Variants in ENOX2 observed in about 807,000 individuals in gnomAD.
ENOX2 encodes ecto-NOX disulfide-thiol exchanger 2.
A neutral mutation model predicts 45.0 loss-of-function variants in ENOX2; 36 were observed. That is an observed-to-expected ratio of 0.80 (90% CI 0.61 to 1.06). The LOEUF is 1.06. Ranked by LOEUF, ENOX2 falls within the 50% of genes least tolerant of loss-of-function variation. The probability of loss-of-function intolerance (pLI) is 0.00; values close to 1 mark genes in which losing one functional copy is unlikely to be tolerated. For synonymous variants in ENOX2, 174 were observed against 152.3 expected (o/e 1.14, Z -1.05); for missense variants, 423 against 462.5 (o/e 0.91, Z 0.78).
chrX:130,871,299 G>A (rs763465048), intron 2 of ENOX2, among the ~76,000 whole-genome samples: 1 of 111,491 alleles, frequency 9.0e-6, no homozygotes, highest in Admixed American at 9.5e-5. Flanking sequence ...ATATGCCATG[G>A]AGAATACTAA....
At chrX:130,737,196 G>A (rs184585817) in intron 3 of ENOX2, among the ~76,000 whole-genome samples, 3 of 111,412 alleles carry the variant, frequency 2.7e-5, no homozygotes, top group Non-Finnish European at 5.6e-5. Context: ...CGTAGCTGAG[G>A]CAAAATATAA....
intron 9 of ENOX2, among the ~76,000 whole-genome samples, chrX:130,660,662 G>A (rs2036664590): frequency 8.9e-6 from 1 of 112,330 alleles, no homozygotes; most frequent in Non-Finnish European, 1.9e-5. Context: ...AATGGTGATG[G>A]CATGTGGAAA....
chrX:130,679,607 T>C lies in ENOX2; in HGVS notation c.395A>G (p.Lys132Arg), dbSNP rs2037246846. The change falls in exon 6 of 15, where the codon AAG becomes AGG. Residue 132 changes from lysine to arginine, a missense_variant. Transcript: ENST00000394363. ...AAAGCGAATGTGGCAGAAGTTCTTC[T>C]TGCTCTTGCGAATGGCAATGATCTC... ...CGEIIAIRKS[K>R]KNFCHIRFAE... The C allele has an allele frequency of 8.3e-7, 1 of 1,209,459 alleles. No individual in the cohort carries two copies. Among genetic ancestry groups the C allele is most frequent in the East Asian group, 3.0e-5 (1 of 33,765 alleles).
chrX:130,864,462 A>G (rs1461359219), intron 2 of ENOX2, among the ~76,000 whole-genome samples: 2 of 111,718 alleles, frequency 1.8e-5, no homozygotes, highest in Non-Finnish European at 3.8e-5. Flanking sequence ...CAGCTAAACC[A>G]TTTCCAGATT....
intron 2 of ENOX2, among the ~76,000 whole-genome samples, chrX:130,794,005 G>T (rs905916218): frequency 2.7e-5 from 3 of 112,059 alleles, no homozygotes; most frequent in African/African-American, 9.7e-5. Context: ...TTATTTTGTT[G>T]TAGTTTAGCC....
chrX:130,897,925 G>A (rs1055242475), intron 2 of ENOX2, among the ~76,000 whole-genome samples: 2 of 112,290 alleles, frequency 1.8e-5, no homozygotes, highest in African/African-American at 6.5e-5. Context: ...AGTAATCCAG[G>A]CTAGAAGTGA....
At chrX:130,708,564 C>T (rs999564261) in intron 3 of ENOX2, among the ~76,000 whole-genome samples, 8 of 112,184 alleles carry the variant, frequency 7.1e-5, no homozygotes, top group African/African-American at 2.6e-4. Flanking sequence ...GCTATCATAG[C>T]CCTTACTACA....
At chrX:130,627,133 G>C (rs1025392276) in intron 14 of ENOX2, among the ~76,000 whole-genome samples, 2 of 111,729 alleles carry the variant, frequency 1.8e-5, no homozygotes, top group African/African-American at 6.5e-5. Context: ...CTGTGTTACA[G>C]AGGCTCTCAG....
chrX:130,822,041 C>A (rs1556495202), intron 2 of ENOX2, among the ~76,000 whole-genome samples: 1 of 90,644 alleles, frequency 1.1e-5, no homozygotes, highest in African/African-American at 4.3e-5. Flanking sequence ...GCACTCCAGC[C>A]TGGGTGACAG....
At chrX:130,632,045 C>T (rs1227694428) in intron 12 of ENOX2, among the ~76,000 whole-genome samples, 1 of 110,846 alleles carries the variant, frequency 9.0e-6, no homozygotes, top group Non-Finnish European at 1.9e-5. Flanking sequence ...AGTTTAAGGT[C>T]CACACTCTGT....
intron 3 of ENOX2, among the ~76,000 whole-genome samples, chrX:130,770,473 CAG>C (rs2039713400): frequency 9.0e-6 from 1 of 110,836 alleles, no homozygotes. Flanking sequence ...ACAGCACAAA[CAG>C]TGTTAAAATA....
intron 3 of ENOX2, among the ~76,000 whole-genome samples, chrX:130,707,661 C>G (rs1036664692): frequency 8.9e-6 from 1 of 111,857 alleles, no homozygotes; most frequent in African/African-American, 3.3e-5. Context: ...TCCTACAATT[C>G]TCTTTCTTAT....
At chrX:130,743,099 T>C (rs931491678) in intron 3 of ENOX2, among the ~76,000 whole-genome samples, 2 of 111,708 alleles carry the variant, frequency 1.8e-5, no homozygotes, top group African/African-American at 6.5e-5. Context: ...TTTATTTTTA[T>C]GAGGGAAAGT....
chrX:130,880,970 G>A, intron 2 of ENOX2, among the ~76,000 whole-genome samples: 1 of 112,440 alleles, frequency 8.9e-6, no homozygotes, highest in East Asian at 2.8e-4. Flanking sequence ...CAACATTCCA[G>A]TTTGATTTCC....
chrX:130,771,556 G>C (rs1161696946), intron 3 of ENOX2, among the ~76,000 whole-genome samples: 1 of 111,564 alleles, frequency 9.0e-6, no homozygotes, highest in African/African-American at 3.3e-5. Context: ...TAAGTTTTTT[G>C]GATCTATCTC....
chrX:130,808,566 A>C (rs2077343357), intron 2 of ENOX2, among the ~76,000 whole-genome samples: 1 of 112,217 alleles, frequency 8.9e-6, no homozygotes, highest in African/African-American at 3.2e-5. Context: ...GTGTACAAAA[A>C]TACCACCAAT....
chrX:130,683,324 C>T (rs1161103508), intron 5 of ENOX2, among the ~76,000 whole-genome samples: 3 of 111,848 alleles, frequency 2.7e-5, no homozygotes, highest in African/African-American at 9.8e-5. Context: ...TTAGACAGCT[C>T]AAGATTGAAG....
At position 130,667,622 on chromosome X, in the gene ENOX2, C is replaced by T. The variant is rs370254402; in HGVS notation, c.815G>A (p.Arg272His). ...SMIQSANSHV[R>H]RLVNEKAAHE... is the part of the protein sequence containing the mutation. ...GGCAGCTTTCTCGTTCACCAGGCGG[C>T]GGACATGGCTGTTGGCCGACTGGAT... The change falls in exon 8 of 15, where the codon CGC (arginine) becomes CAC (histidine). Residue 272 changes from arginine to histidine, a missense_variant. Transcript: ENST00000394363. 7.4e-6 allele frequency: 9 copies of T among 1,209,511 alleles called. No homozygotes were observed. Among genetic ancestry groups the T allele is most frequent in the Admixed American group, 2.2e-5 (1 of 45,774 alleles).
chrX:130,632,743 ATGT>A (rs1412082239), intron 12 of ENOX2, among the ~76,000 whole-genome samples: 2 of 111,960 alleles, frequency 1.8e-5, no homozygotes, highest in East Asian at 5.6e-4. Context: ...GCTGCAAGAC[ATGT>A]TGTTGTGTGA....
Sources: gnomAD v4.1 joint callset for allele counts (sites outside exome capture counted in the v4.1 genomes callset) on GRCh38, gnomAD v4.1.1 for gene constraint, MANE v1.5 for transcripts, NCBI Gene and HGNC (gene_info 2026-07-23, HGNC 2026-07-21) for gene names.